ZFYVE21: variants seen among roughly 807,000 people sequenced by gnomAD.
ZFYVE21 encodes zinc finger FYVE domain-containing protein 21.
Under a neutral mutation model 29.5 loss-of-function variants are expected in ZFYVE21, and 21 were observed. The observed-to-expected ratio is 0.71, with a 90% CI of 0.50 to 1.02. ZFYVE21 has a LOEUF of 1.02. Among genes scored for constraint, ZFYVE21 ranks in the 50% least tolerant of loss-of-function variants. The pLI, the probability that ZFYVE21 is intolerant of heterozygous loss-of-function variation, is 0.00. For missense variants in ZFYVE21, 326 were observed against 335.4 expected (o/e 0.97, Z 0.22); for synonymous variants, 151 against 133.8 (o/e 1.13, Z -0.89).
At chr14:103,728,269 C>A (rs2083947038) in intron 3 of ZFYVE21, among the ~76,000 whole-genome samples, 1 of 152,192 alleles carries the variant, frequency 6.6e-6, no homozygotes, top group Non-Finnish European at 1.5e-5. Flanking sequence ...AGACCTTTGC[C>A]CAATAGCACG....
chr14:103,727,386 C>A (rs2083937967), intron 2 of ZFYVE21: 1 of 392,896 alleles, frequency 2.5e-6, no homozygotes, highest in East Asian at 7.0e-5. Context: ...GCCCCCTCCG[C>A]CCCGTCCCCG....
intron 1 of ZFYVE21, among the ~76,000 whole-genome samples, chr14:103,722,970 T>C (rs903925154): frequency 1.3e-5 from 2 of 152,160 alleles, no homozygotes; most frequent in Non-Finnish European, 1.5e-5. Flanking sequence ...TATTTAGAAA[T>C]TGGCCTTTCA....
At chr14:103,727,949 C>T (rs2083944012) in intron 3 of ZFYVE21, 35 bp downstream of exon 3, 1 of 1,568,988 alleles carries the variant, frequency 6.4e-7, no homozygotes, top group African/African-American at 1.4e-5. Context: ...CCCGCGCGCT[C>T]CGCCAGCCGG....
intron 1 of ZFYVE21, among the ~76,000 whole-genome samples, chr14:103,719,113 G>A (rs2083852390): frequency 1.3e-5 from 2 of 152,010 alleles, no homozygotes; most frequent in South Asian, 2.1e-4. Context: ...AGAGAGCTGA[G>A]GCCAGAATAC....
chr14:103,717,534 T>C (rs2083837898), intron 1 of ZFYVE21, among the ~76,000 whole-genome samples: 1 of 152,236 alleles, frequency 6.6e-6, no homozygotes, highest in African/African-American at 2.4e-5. Flanking sequence ...CCAGAGCCCT[T>C]CTGGTATCAG....
intron 1 of ZFYVE21, among the ~76,000 whole-genome samples, chr14:103,717,540 A>G (rs1431379352): frequency 1.3e-5 from 2 of 152,064 alleles, no homozygotes; most frequent in Non-Finnish European, 2.9e-5. Flanking sequence ...CCCTTCTGGT[A>G]TCAGCTGAAT....
intron 5 of ZFYVE21, chr14:103,731,610 G>GA (rs201954578): frequency 3.6e-4 from 54 of 150,334 alleles, no homozygotes; most frequent in African/African-American, 7.3e-4. Context: ...CTCCGTCTCG[G>GA]AAAAAAAAAA....
intron 1 of ZFYVE21, among the ~76,000 whole-genome samples, chr14:103,719,233 G>C (rs1354923378): frequency 6.6e-6 from 1 of 152,134 alleles, no homozygotes; most frequent in Non-Finnish European, 1.5e-5. Flanking sequence ...AGCTGAGATC[G>C]TGCAGCTGCA....
chr14:103,715,898 C>CG lies in ZFYVE21; in HGVS notation c.59dup (p.Leu21ProfsTer34). On this transcript the variant is annotated frameshift_variant, in exon 1 of 7. Transcript: ENST00000311141. LOFTEE classifies it high-confidence loss of function. ...CCAAGAAGCTGGTGCGCTCCCCGAG[C>CG]GGCCTGCGCATGGTGCCCGAACACC... 1.4e-6 allele frequency: 2 copies of CG among 1,439,132 alleles called. No individual in the cohort carries two copies. The highest frequency in any genetic ancestry group is 1.8e-6 in the Non-Finnish European group (2 of 1,089,848). 89.1% of individuals were successfully genotyped at this position (1,439,132 alleles called of 1,614,324 possible).
intron 1 of ZFYVE21, among the ~76,000 whole-genome samples, chr14:103,722,844 C>T (rs371282281): frequency 6.6e-6 from 1 of 151,936 alleles, no homozygotes; most frequent in East Asian, 2.0e-4. Context: ...GAGACAGGGT[C>T]TTGCTGTGTT....
intron 2 of ZFYVE21, 106 bp downstream of exon 2, chr14:103,726,948 G>GTTTTTTT (rs572377392): frequency 1.5e-6 from 1 of 660,982 alleles, no homozygotes; most frequent in Admixed American, 4.0e-5. Context: ...CTTATGGCTC[G>GTTTTTTT]TTTTTTTTTT....
intron 1 of ZFYVE21, chr14:103,724,983 A>G (rs1231251084): frequency 6.6e-6 from 1 of 152,268 alleles, no homozygotes; most frequent in African/African-American, 2.4e-5. Flanking sequence ...GCCAGCTTTG[A>G]AAAAGGCTGT....
chr14:103,726,995 G>T, intron 2 of ZFYVE21, 153 bp downstream of exon 2: 4 of 715,814 alleles, frequency 5.6e-6, no homozygotes, highest in Non-Finnish European at 8.9e-6. Context: ...GCCCAGGCTG[G>T]AGTGCAGTGG....
At chr14:103,728,828 G>A (rs1195105617) in intron 3 of ZFYVE21, 80 bp from the exon 4 acceptor site, 13 of 1,375,756 alleles carry the variant, frequency 9.4e-6, no homozygotes, top group Admixed American at 1.7e-5. Flanking sequence ...CTGTGCGTGC[G>A]TCTCCTACTG....
chr14:103,716,130 G>A lies in ZFYVE21; in HGVS notation c.138+151G>A. On this transcript the variant is annotated intron_variant, in intron 1 of 6. Coordinates refer to ENST00000311141, the MANE Select transcript of ZFYVE21 (RefSeq NM_024071.4). This position sits in a 1 kb window ranked among gnomAD's most constrained non-coding sequence, Gnocchi z 4.8. ...GCCCCCGCTCTCTCCCAGGTTGGCC[G>A]CGTCCCCGGGCCGCCGCCTCAGGCT... 1 of 790,892 alleles carries A rather than the reference G, an allele frequency of 1.3e-6. No homozygotes were observed. Among genetic ancestry groups the A allele is most frequent in the Non-Finnish European group, 1.6e-6 (1 of 620,866 alleles). The allele number at this position is 790,892 out of a possible 1,614,324, so 49.0% of individuals were successfully genotyped here.
At position 103,716,729 on chromosome 14, in the gene ZFYVE21, C is replaced by T. The variant is rs540803128; in HGVS notation, c.138+750C>T. On this transcript the variant is annotated intron_variant, in intron 1 of 6. Coordinates refer to ENST00000311141, the MANE Select transcript of ZFYVE21 (RefSeq NM_024071.4). This position sits in a 1 kb window ranked among gnomAD's most constrained non-coding sequence, Gnocchi z 4.8. ...GACATTGGGGCGTGGGCGTGGGGTC[C>T]CTGAGCCAGGCCATCCGCTGGGCCT... is the stretch of plus-strand genomic sequence containing the variant. Among the ~76,000 whole-genome samples the T allele has an allele frequency of 6.6e-5, 10 of 152,280 alleles. No individual in the cohort carries two copies. The highest frequency in any genetic ancestry group is 6.8e-3 in the Middle Eastern group (2 of 294).
intron 5 of ZFYVE21, chr14:103,729,964 CACTT>C (rs1224130254): frequency 8.3e-7 from 1 of 1,198,344 alleles, no homozygotes; most frequent in Admixed American, 2.6e-5. Context: ...AACCTGAATT[CACTT>C]ACTTTGGTTG....
chr14:103,731,805 A>G (rs1252056854), intron 5 of ZFYVE21: 1 of 152,266 alleles, frequency 6.6e-6, no homozygotes, highest in Non-Finnish European at 1.5e-5. Context: ...GTGATTGCCT[A>G]CGATGGGGCT....
At chr14:103,723,995 C>T (rs1034427977) in intron 1 of ZFYVE21, among the ~76,000 whole-genome samples, 5 of 152,202 alleles carry the variant, frequency 3.3e-5, no homozygotes, top group African/African-American at 9.6e-5. Flanking sequence ...TCCACACCAG[C>T]GTCTTCTGGG....
Sources: gnomAD v4.1 joint callset for allele counts (sites outside exome capture counted in the v4.1 genomes callset) on GRCh38, gnomAD v4.1.1 for gene constraint, Gnocchi (gnomAD v3.1) non-coding constraint, MANE v1.5 for transcripts, NCBI Gene and HGNC (gene_info 2026-07-23, HGNC 2026-07-21) for gene names.